Variants in PCCA observed in about 807,000 individuals in gnomAD.
PCCA encodes propionyl-CoA carboxylase subunit alpha.
In PCCA, 74 loss-of-function variants were observed where a neutral mutation model predicts 101.3. The observed-to-expected ratio is 0.73, with a 90% CI of 0.61 to 0.89. The LOEUF (loss-of-function observed/expected upper bound fraction) is 0.89, where lower values mean the gene tolerates loss of function less well. Ranked by LOEUF, PCCA falls within the 40% of genes least tolerant of loss-of-function variation. The probability of loss-of-function intolerance (pLI) is 0.00; values close to 1 mark genes in which losing one functional copy is unlikely to be tolerated. For synonymous variants in PCCA, 294 were observed against 313.6 expected, an observed-to-expected ratio of 0.94 and a Z score of 0.66; for missense variants, 891 against 907.0, an observed-to-expected ratio of 0.98 and a Z score of 0.23.
rs117842632 is a variant in PCCA at position 100,478,914 on chromosome 13, A to G, written c.1899+29609A>G. On this transcript the variant is annotated intron_variant, in intron 21 of 23. Coordinates refer to ENST00000376285, the MANE Select transcript of PCCA (RefSeq NM_000282.4). ...AGCCAAGAGAAATGGAAGCTGACCA[A>G]CTTTTCTCTCTGCACAGGGTTCAGA... is the stretch of plus-strand genomic sequence containing the variant. 1.2e-4 allele frequency among the ~76,000 whole-genome samples: 19 copies of G among 152,336 alleles called. No individual in the cohort carries two copies. In the East Asian group the frequency reaches 3.3e-3, roughly 26 times the overall value.
At chr13:100,217,437 C>T (rs2152491962) in intron 7 of PCCA, among the ~76,000 whole-genome samples, 1 of 138,186 alleles carries the variant, frequency 7.2e-6, no homozygotes, top group Admixed American at 7.6e-5. Context: ...GAGCGAGACT[C>T]CATCTCAAAA....
intron 8 of PCCA, among the ~76,000 whole-genome samples, chr13:100,250,149 T>C (rs1396275379): frequency 6.6e-6 from 1 of 152,184 alleles, no homozygotes; most frequent in African/African-American, 2.4e-5. Context: ...TTTTTCCTGA[T>C]TTTTGGGAGA....
intron 7 of PCCA, among the ~76,000 whole-genome samples, chr13:100,227,035 G>C (rs1440312070): frequency 6.6e-6 from 1 of 152,182 alleles, no homozygotes; most frequent in African/African-American, 2.4e-5. Flanking sequence ...ACGAAGTCTT[G>C]CTCTGTCGCC....
At chr13:100,119,545 A>C (rs921423269) in intron 4 of PCCA, among the ~76,000 whole-genome samples, 1 of 152,226 alleles carries the variant, frequency 6.6e-6, no homozygotes, top group African/African-American at 2.4e-5. Context: ...GAGATTGCAC[A>C]CACACAGATA....
chr13:100,185,927 G>T (rs975340460), intron 6 of PCCA, among the ~76,000 whole-genome samples: 1 of 152,206 alleles, frequency 6.6e-6, no homozygotes, highest in Non-Finnish European at 1.5e-5. Context: ...GATTACAGGC[G>T]TAAGCCACTG....
At chr13:100,405,769 CTTT>C (rs34906541) in intron 19 of PCCA, among the ~76,000 whole-genome samples, 3 of 116,398 alleles carry the variant, frequency 2.6e-5, no homozygotes, top group African/African-American at 6.5e-5. Context: ...AAGTGACATT[CTTT>C]TTTTTTTTTT....
chr13:100,096,678 C>T (rs765992925), intron 1 of PCCA, among the ~76,000 whole-genome samples: 1 of 152,182 alleles, frequency 6.6e-6, no homozygotes, highest in African/African-American at 2.4e-5. Flanking sequence ...AGTGCTACTC[C>T]AGTGAGCGCA....
intron 16 of PCCA, among the ~76,000 whole-genome samples, chr13:100,320,248 T>C (rs867119046): frequency 6.6e-6 from 1 of 152,214 alleles, no homozygotes; most frequent in Non-Finnish European, 1.5e-5. Flanking sequence ...GTTTTCTAGA[T>C]ATACAATCAT....
chr13:100,271,891 C>CT (rs2063339041), intron 11 of PCCA, among the ~76,000 whole-genome samples: 1 of 152,148 alleles, frequency 6.6e-6, no homozygotes, highest in African/African-American at 2.4e-5. Flanking sequence ...GCCAGAGTGG[C>CT]TATGTATTAA....
intron 22 of PCCA, among the ~76,000 whole-genome samples, chr13:100,523,216 A>G (rs2153004153): frequency 6.6e-6 from 1 of 152,294 alleles, no homozygotes; most frequent in African/African-American, 2.4e-5. Context: ...GTAGAAGGAT[A>G]TTGGGGGCTT....
At chr13:100,449,924 C>G (rs2081098060) in intron 21 of PCCA, among the ~76,000 whole-genome samples, 1 of 152,100 alleles carries the variant, frequency 6.6e-6, no homozygotes, top group South Asian at 2.1e-4. Flanking sequence ...AGAACACCAC[C>G]CATCATATAT....
chr13:100,234,324 T>G (rs1253388878), intron 7 of PCCA, among the ~76,000 whole-genome samples: 1 of 152,172 alleles, frequency 6.6e-6, no homozygotes, highest in Non-Finnish European at 1.5e-5. Flanking sequence ...AGCTAAAGTT[T>G]GGAGAATGTA....
intron 6 of PCCA, among the ~76,000 whole-genome samples, chr13:100,183,151 C>T (rs112177574): frequency 6.6e-6 from 1 of 151,914 alleles, no homozygotes; most frequent in South Asian, 2.1e-4. Flanking sequence ...TGCATGCATG[C>T]GTGTGTACGA....
chr13:100,290,338 A>G (rs1595143843), intron 12 of PCCA, among the ~76,000 whole-genome samples: 2 of 151,862 alleles, frequency 1.3e-5, no homozygotes, highest in East Asian at 3.9e-4. Flanking sequence ...CGGCCTCCTG[A>G]GTAGCTGGGA....
chr13:100,371,361 G>A (rs895544912), intron 19 of PCCA, among the ~76,000 whole-genome samples: 10 of 152,192 alleles, frequency 6.6e-5, no homozygotes, highest in African/African-American at 2.4e-4. Flanking sequence ...CCAAGGAGGC[G>A]AAAGGCTTAC....
At chr13:100,304,689 G>A (rs546124076) in intron 14 of PCCA, among the ~76,000 whole-genome samples, 7 of 152,290 alleles carry the variant, frequency 4.6e-5, no homozygotes, top group South Asian at 4.1e-4. Flanking sequence ...TGAGAATCTC[G>A]TACAGAGGTG....
At chr13:100,214,331 T>G (rs1390811032) in intron 7 of PCCA, among the ~76,000 whole-genome samples, 6 of 152,156 alleles carry the variant, frequency 3.9e-5, no homozygotes, top group Non-Finnish European at 8.8e-5. Flanking sequence ...ACAATATTGA[T>G]TCTTCCAACC....
At position 100,348,779 on chromosome 13, in the gene PCCA, T is replaced by TCTTC. The variant is rs1491362483; in HGVS notation, c.1643+8523_1643+8524insCCTT. 1.4e-4 allele frequency among the ~76,000 whole-genome samples: 11 copies of TCTTC among 76,282 alleles called. No individual in the cohort carries two copies. The South Asian group carries it at 4.7e-3, about 33-fold the overall frequency. The allele number at this position is 76,282 out of a possible 152,430, so 50.0% of individuals were successfully genotyped here. On this transcript the variant is annotated intron_variant, in intron 18 of 23. Transcript: ENST00000376285. ...TTCTTTCTTTCTTTCTTTCTTTCTT[T>TCTTC]CTTTCTTTCTTCCTTCCTTCCTTCC... is the stretch of plus-strand genomic sequence containing the variant.
chr13:100,135,341 T>C (rs376851258), intron 4 of PCCA, among the ~76,000 whole-genome samples: 15 of 152,234 alleles, frequency 9.9e-5, no homozygotes, highest in East Asian at 5.8e-4. Context: ...CAATGAGTTA[T>C]GATCACAACA....
Sources: gnomAD v4.1 joint callset for allele counts (sites outside exome capture counted in the v4.1 genomes callset) on GRCh38, gnomAD v4.1.1 for gene constraint, MANE v1.5 for transcripts, NCBI Gene and HGNC (gene_info 2026-07-23, HGNC 2026-07-21) for gene names.